AFF2: variants seen among roughly 807,000 people sequenced by gnomAD.
AFF2 encodes ALF transcription elongation factor 2, also known as AF4/FMR2 family member 2.
Under a neutral mutation model 76.9 loss-of-function variants are expected in AFF2, and 14 were observed. That is an observed-to-expected ratio of 0.18 (90% confidence interval 0.12 to 0.28). AFF2 has a LOEUF of 0.28. Among genes scored for constraint, AFF2 ranks in the 10% least tolerant of loss-of-function variants. AFF2 has a pLI of 1.00. For missense variants in AFF2, 868 were observed against 1,001.1 expected (o/e 0.87, Z 1.79); for synonymous variants, 398 against 366.7 (o/e 1.09, Z -0.98).
intron 3 of AFF2, among the ~76,000 whole-genome samples, chrX:148,701,241 A>G (rs1557261856): frequency 8.9e-6 from 1 of 111,759 alleles, no homozygotes; most frequent in Non-Finnish European, 1.9e-5. Flanking sequence ...GGGATGTGCT[A>G]GTAAGCATTT....
At chrX:148,524,097 TTC>T (rs374800530) in intron 1 of AFF2, among the ~76,000 whole-genome samples, 98 of 78,174 alleles carry the variant, frequency 1.3e-3, no homozygotes, top group African/African-American at 1.4e-3. Context: ...CTCTCTCTCT[TTC>T]TCTCTCTCTC....
At chrX:148,651,116 G>A (rs2054198651) in intron 1 of AFF2, among the ~76,000 whole-genome samples, 1 of 112,122 alleles carries the variant, frequency 8.9e-6, no homozygotes, top group South Asian at 3.7e-4. Context: ...TTGCAGTCTT[G>A]CATGATGAAG....
At chrX:148,505,177 G>T (rs1264060923) in intron 1 of AFF2, among the ~76,000 whole-genome samples, 2 of 111,789 alleles carry the variant, frequency 1.8e-5, no homozygotes, top group Non-Finnish European at 3.8e-5. Flanking sequence ...AACCATTTTA[G>T]GTTGTGTTTC....
intron 3 of AFF2, among the ~76,000 whole-genome samples, chrX:148,712,647 T>C (rs1214942061): frequency 8.9e-6 from 1 of 112,205 alleles, no homozygotes; most frequent in African/African-American, 3.2e-5. Flanking sequence ...ATGAATTCAA[T>C]ATACAATGAA....
chrX:148,662,139 C>G lies in AFF2; in HGVS notation c.412C>G (p.Pro138Ala), dbSNP rs782277853. The G allele has an allele frequency of 3.9e-5, 47 of 1,209,948 alleles. No individual in the cohort carries two copies. The highest frequency in any genetic ancestry group is 4.8e-5 in the Non-Finnish European group (43 of 893,863). Residue 138 changes from proline to alanine, a missense_variant, in exon 3 of 21, where the codon CCA becomes GCA. Coordinates refer to ENST00000370460, the MANE Select transcript of AFF2 (RefSeq NM_002025.4). ...TACCCATCCTTCAGCACCAATGCCT[C>G]CACCTTCTGTTGTGATACTGAATTC... ...DNTHPSAPMP[P>A]PSVVILNSTL...
chrX:148,822,740 GC>G (rs1272301094), intron 4 of AFF2, among the ~76,000 whole-genome samples: 10 of 91,684 alleles, frequency 1.1e-4, no homozygotes, highest in Non-Finnish European at 1.9e-4. Flanking sequence ...TGTGTGTGTG[GC>G]TGATAGCCTG....
At chrX:148,861,665 A>G (rs1373603163) in intron 7 of AFF2, among the ~76,000 whole-genome samples, 1 of 111,260 alleles carries the variant, frequency 9.0e-6, no homozygotes, top group Non-Finnish European at 1.9e-5. Context: ...TCCAATCTAG[A>G]TAACTACACC....
chrX:148,653,807 G>A (rs2054225640), intron 2 of AFF2, among the ~76,000 whole-genome samples: 2 of 111,719 alleles, frequency 1.8e-5, no homozygotes, highest in Admixed American at 9.5e-5. Flanking sequence ...ATTTGAGAGG[G>A]TGGTGGTATC....
intron 7 of AFF2, among the ~76,000 whole-genome samples, chrX:148,855,294 C>A (rs1603314489): frequency 9.0e-6 from 1 of 111,544 alleles, no homozygotes; most frequent in African/African-American, 3.3e-5. Flanking sequence ...CAAACCCAAG[C>A]AATGCCCATG....
chrX:148,895,394 T>C (rs1224653859), intron 8 of AFF2, among the ~76,000 whole-genome samples: 2 of 111,837 alleles, frequency 1.8e-5, no homozygotes, highest in Non-Finnish European at 3.8e-5. Context: ...TTAATACCCA[T>C]GTAATTTTAT....
chrX:148,987,240 C>T (rs1014642022), intron 19 of AFF2, 127 bp from the exon 20 acceptor site: 48 of 584,420 alleles, frequency 8.2e-5, no homozygotes, highest in Non-Finnish European at 1.2e-4. Flanking sequence ...CACATGTGTA[C>T]GCTATGCTAA....
chrX:148,964,622 T>C (rs144990897), intron 13 of AFF2, among the ~76,000 whole-genome samples: 1,140 of 111,675 alleles, frequency 0.01, 15 homozygotes, highest in African/African-American at 0.035. Flanking sequence ...GAATGGGGGT[T>C]GCAAGCGCCT....
intron 9 of AFF2, among the ~76,000 whole-genome samples, chrX:148,921,065 A>T (rs1374496157): frequency 9.0e-6 from 1 of 111,526 alleles, no homozygotes; most frequent in African/African-American, 3.3e-5. Context: ...GGAGTCTTTA[A>T]GCCACAGCCT....
intron 1 of AFF2, among the ~76,000 whole-genome samples, chrX:148,628,589 A>G (rs1237948816): frequency 5.5e-5 from 6 of 109,900 alleles, no homozygotes; most frequent in African/African-American, 2.0e-4. Context: ...AAAAAAAAAG[A>G]GAGATTTATT....
intron 3 of AFF2, among the ~76,000 whole-genome samples, chrX:148,750,257 C>T (rs971244645): frequency 4.5e-5 from 5 of 111,205 alleles, no homozygotes; most frequent in Admixed American, 3.8e-4. Context: ...GGCGGAGCCA[C>T]TGCGCCCAGC....
Position 148,995,383 on chromosome X carries a change from G to GAAAT in AFF2, c.*4053_*4056dup, listed in dbSNP as rs1191994272. 1 of 107,000 alleles carries GAAAT rather than the reference G, an allele frequency of 9.3e-6. No homozygotes were observed. The highest frequency in any genetic ancestry group is 1.9e-5 in the Non-Finnish European group (1 of 51,866). 8.8% of individuals were successfully genotyped at this position (107,000 alleles called of 1,213,427 possible). A position where few individuals can be genotyped will look rare whatever the true frequency, so the allele number is the denominator to read the frequency against. On this transcript the variant is annotated 3_prime_UTR_variant, in exon 21 of 21. Transcript: ENST00000370460. ...AATTCTCTTTCCATCCTCCTCCTCAGAAATATAGAAGCCCTCTTTACCAAA... is the reference window on the plus strand; with the variant it reads ...AATTCTCTTTCCATCCTCCTCCTCAGAAATAAATATAGAAGCCCTCTTTACCAAA...
At chrX:148,867,460 A>G (rs2070921413) in intron 7 of AFF2, among the ~76,000 whole-genome samples, 1 of 112,569 alleles carries the variant, frequency 8.9e-6, no homozygotes, top group Non-Finnish European at 1.9e-5. Flanking sequence ...TTCCTATCTA[A>G]GCAAGGCCTT....
intron 3 of AFF2, among the ~76,000 whole-genome samples, chrX:148,756,776 G>A (rs182077730): frequency 1.2e-3 from 140 of 112,919 alleles, no homozygotes; most frequent in Admixed American, 5.7e-3. Flanking sequence ...TCATCTGGCA[G>A]CTTAAGCACA....
At chrX:148,827,043 T>G (rs1557273006) in intron 4 of AFF2, among the ~76,000 whole-genome samples, 1 of 111,664 alleles carries the variant, frequency 9.0e-6, no homozygotes, top group Non-Finnish European at 1.9e-5. Flanking sequence ...TTCATGTGAA[T>G]GGGACAAACC....
Sources: allele counts gnomAD v4.1 joint callset (sites outside exome capture counted in the v4.1 genomes callset), GRCh38; gene constraint gnomAD v4.1.1; transcripts MANE v1.5; gene names NCBI Gene and HGNC (gene_info 2026-07-23, HGNC 2026-07-21).